SPART: variants seen among roughly 807,000 people sequenced by gnomAD.
SPART encodes the protein spartin.
In SPART, 35 loss-of-function variants were observed where a neutral mutation model predicts 58.7. The observed-to-expected ratio is 0.60, with a 90% CI of 0.46 to 0.79. The LOEUF (loss-of-function observed/expected upper bound fraction) is 0.79, where lower values mean the gene tolerates loss of function less well. Among genes scored for constraint, SPART ranks in the 30% least tolerant of loss-of-function variants. The probability of loss-of-function intolerance (pLI) is 0.00; values close to 1 mark genes in which losing one functional copy is unlikely to be tolerated. For synonymous variants in SPART, 284 were observed against 280.7 expected (o/e 1.01, Z -0.12); for missense variants, 730 against 786.1 (o/e 0.93, Z 0.85).
chr13:36,336,102 T>C (rs1446299702), intron 1 of SPART, among the ~76,000 whole-genome samples: 5 of 152,226 alleles, frequency 3.3e-5, no homozygotes, highest in Non-Finnish European at 5.9e-5. Context: ...ATCTATTAAA[T>C]AATTTTCTTG....
At chr13:36,360,278 A>ACTCCATCTCC (rs57017641) in intron 1 of SPART, among the ~76,000 whole-genome samples, 2 of 134,064 alleles carry the variant, frequency 1.5e-5, no homozygotes, top group African/African-American at 5.7e-5. Context: ...CTGGGTGGAG[A>ACTCCATCTCC]AAATTTTTGG....
intron 5 of SPART, among the ~76,000 whole-genome samples, chr13:36,325,090 C>A (rs1305051817): frequency 6.6e-6 from 1 of 152,168 alleles, no homozygotes; most frequent in Non-Finnish European, 1.5e-5. Context: ...CGTCAAGTCA[C>A]CGCGGATGTG....
chr13:36,316,710 T>C lies in SPART; in HGVS notation c.1289-2289A>G, dbSNP rs192830167. Reference sequence around the variant, plus strand: ...TCAGCCTGCCTGCACCCAGGTGAAATAAACAGCCTTGTTGCTCACACAAAG... The same window carrying C: ...TCAGCCTGCCTGCACCCAGGTGAAACAAACAGCCTTGTTGCTCACACAAAG... On this transcript the variant is annotated intron_variant, in intron 5 of 8. Transcript: ENST00000438666. 1.8e-3 allele frequency among the ~76,000 whole-genome samples: 281 copies of C among 152,328 alleles called. 1 individual carries two copies. The highest frequency in any genetic ancestry group is 6.1e-3 in the African/African-American group (254 of 41,580).
upstream of SPART, among the ~76,000 whole-genome samples, chr13:36,347,172 G>A (rs535181130): frequency 1.3e-5 from 2 of 151,720 alleles, no homozygotes; most frequent in East Asian, 3.9e-4. Context: ...AAAAGAAAAA[G>A]CAGTATGTAC....
chr13:36,320,318 G>C (rs943092483), intron 5 of SPART, among the ~76,000 whole-genome samples: 23 of 152,014 alleles, frequency 1.5e-4, no homozygotes, highest in African/African-American at 5.3e-4. Flanking sequence ...CATTATTCTG[G>C]ATACCACACC....
chr13:36,304,588 G>T lies in SPART; in HGVS notation c.1778C>A (p.Ser593Tyr), dbSNP rs777513982. 1 of 1,614,072 alleles carries T rather than the reference G, an allele frequency of 6.2e-7. No homozygotes were observed. The highest frequency in any genetic ancestry group is 8.5e-7 in the Non-Finnish European group (1 of 1,179,986). The change falls in exon 9 of 9, where the codon TCT becomes TAT. Residue 593 changes from serine (S) to tyrosine (Y), a missense_variant. Coordinates refer to ENST00000438666, the MANE Select transcript of SPART (RefSeq NM_015087.5). ...AGEATHHAVDSAVNVGVTAYN... is the reference protein window; with the variant it reads ...AGEATHHAVDYAVNVGVTAYN... Reference sequence around the variant, plus strand: ...GGCAGTTACGCCAACATTGACCGCAGAATCCACCGCATGGTGGGTAGCTTC... The same window carrying T: ...GGCAGTTACGCCAACATTGACCGCATAATCCACCGCATGGTGGGTAGCTTC...
chr13:36,315,319 T>C (rs1881578063), intron 5 of SPART, among the ~76,000 whole-genome samples: 1 of 152,158 alleles, frequency 6.6e-6, no homozygotes, highest in Admixed American at 6.5e-5. Flanking sequence ...ATGGAAGAAG[T>C]ATTACCCTAC....
At position 36,331,005 on chromosome 13, in the gene SPART, C is replaced by T. The variant is rs146918034; in HGVS notation, c.1008+394G>A. Among the ~76,000 whole-genome samples the T allele has an allele frequency of 8.2e-3, 1,255 of 152,246 alleles. 8 individuals carry two copies. Among genetic ancestry groups the T allele is most frequent in the Middle Eastern group, 0.017 (5 of 294 alleles). On this transcript the variant is annotated intron_variant, in intron 3 of 8. Coordinates refer to ENST00000438666, the MANE Select transcript of SPART (RefSeq NM_015087.5). Reference sequence around the variant, plus strand: ...CTGAGCAATAAAACAGTGGTGAAAACAATAGCTAACATTCACAGAGCATAA... The same window carrying T: ...CTGAGCAATAAAACAGTGGTGAAAATAATAGCTAACATTCACAGAGCATAA...
In SPART at chr13:36,312,473, A is replaced by G; in HGVS notation, c.1488T>C (p.Asp496=). 1 of 1,614,134 alleles carries G rather than the reference A, an allele frequency of 6.2e-7. No homozygotes were observed. The highest frequency in any genetic ancestry group is 1.6e-4 in the Middle Eastern group (1 of 6,062). The change falls in exon 7 of 9, where the codon GAT becomes GAC. Residue 496 remains aspartate, a synonymous_variant. Transcript: ENST00000438666. ...CGCAATTTGCTACAGTGCAAACTCC[A>G]TCAACTAATATGACCATAAAAAAAG... is the stretch of plus-strand genomic sequence containing the variant. The part of the protein sequence containing the change: ...GAAKVSQFLV[D]GVCTVANCVG...
intron 4 of SPART, among the ~76,000 whole-genome samples, chr13:36,328,215 C>T (rs1883135735): frequency 6.6e-6 from 1 of 152,110 alleles, no homozygotes; most frequent in South Asian, 2.1e-4. Context: ...CAACATAAAC[C>T]ACAGTGACAC....
chr13:36,315,404 T>C (rs975064828), intron 5 of SPART, among the ~76,000 whole-genome samples: 8 of 152,334 alleles, frequency 5.3e-5, no homozygotes, highest in South Asian at 2.1e-4. Context: ...GCTGAACATA[T>C]GAAATACTTA....
chr13:36,327,087 C>G (rs1268092859), intron 4 of SPART, among the ~76,000 whole-genome samples: 2 of 152,074 alleles, frequency 1.3e-5, no homozygotes, highest in Non-Finnish European at 2.9e-5. Context: ...AATCAGTAAG[C>G]AAAGATGAAT....
At chr13:36,319,272 C>T (rs894678284) in intron 5 of SPART, among the ~76,000 whole-genome samples, 39 of 151,582 alleles carry the variant, frequency 2.6e-4, no homozygotes, top group Non-Finnish European at 4.4e-4. Flanking sequence ...ATCTCATTGC[C>T]ACCCTTCTTC....
upstream of SPART, among the ~76,000 whole-genome samples, chr13:36,349,836 G>T (rs199697852): frequency 1.6e-4 from 24 of 152,240 alleles, no homozygotes; most frequent in East Asian, 3.9e-3. Flanking sequence ...AAGTATTATG[G>T]GCTGTGCCAA....
chr13:36,365,697 G>A (rs778019158), intron 1 of SPART: 3 of 427,634 alleles, frequency 7.0e-6, no homozygotes, highest in Non-Finnish European at 1.4e-5. Context: ...GATGCCTTTA[G>A]AACAATGACC....
chr13:36,333,329 C>CA (rs1471636904), intron 2 of SPART, among the ~76,000 whole-genome samples: 1 of 151,330 alleles, frequency 6.6e-6, no homozygotes, highest in Non-Finnish European at 1.5e-5. Flanking sequence ...TACCTAAAAC[C>CA]AAAAAAACTT....
intron 1 of SPART, among the ~76,000 whole-genome samples, chr13:36,354,213 G>GT (rs35250677): frequency 0.1 from 15,782 of 152,106 alleles, 880 homozygotes; most frequent in Middle Eastern, 0.17. Context: ...CATAAAGGAG[G>GT]TTTTTTTCTA....
chr13:36,367,605 A>G (rs1886112608), intron 1 of SPART, among the ~76,000 whole-genome samples: 1 of 150,926 alleles, frequency 6.6e-6, no homozygotes, highest in Non-Finnish European at 1.5e-5. Flanking sequence ...TCTTAAAACC[A>G]TTTAAAAAAA....
chr13:36,330,347 A>T (rs1883341125), intron 3 of SPART, among the ~76,000 whole-genome samples: 1 of 151,850 alleles, frequency 6.6e-6, no homozygotes, highest in Non-Finnish European at 1.5e-5. Flanking sequence ...TTGTTAAATA[A>T]TTGCTGCTAT....
Sources: allele counts gnomAD v4.1 joint callset (sites outside exome capture counted in the v4.1 genomes callset), GRCh38; gene constraint gnomAD v4.1.1; transcripts MANE v1.5; gene names NCBI Gene and HGNC (gene_info 2026-07-23, HGNC 2026-07-21).